The following DDIAS variants were observed in gnomAD, a reference collection of about 807,000 sequenced individuals.
DDIAS encodes DNA damage-induced apoptosis suppressor protein.
Under a neutral mutation model 15.7 loss-of-function variants are expected in DDIAS, and 14 were observed. The ratio of observed to expected loss-of-function variants is 0.89; its 90% CI spans 0.59 to 1.39. The LOEUF is 1.39. Ranked by LOEUF, DDIAS falls within the 40% of genes most tolerant of loss-of-function variation. DDIAS has a pLI of 0.00. For missense variants in DDIAS, 1,035 were observed against 1,130.9 expected, an observed-to-expected ratio of 0.92 and a Z score of 1.22; for synonymous variants, 355 against 395.9, an observed-to-expected ratio of 0.90 and a Z score of 1.23.
chr11:82,902,168 G>T (rs74791332), intron 1 of DDIAS, among the ~76,000 whole-genome samples: 1,997 of 152,258 alleles, frequency 0.013, 36 homozygotes, highest in African/African-American at 0.045. Flanking sequence ...AGAGTAGTAC[G>T]TGCTGAAAGG....
intron 1 of DDIAS, among the ~76,000 whole-genome samples, chr11:82,910,124 A>G (rs1364520054): frequency 6.6e-6 from 1 of 152,228 alleles, no homozygotes; most frequent in Non-Finnish European, 1.5e-5. Context: ...CACCCATTTC[A>G]GAATTGAAAG....
At chr11:82,911,935 C>T (rs1052219749) in intron 1 of DDIAS, among the ~76,000 whole-genome samples, 6 of 152,162 alleles carry the variant, frequency 3.9e-5, no homozygotes, top group Admixed American at 2.6e-4. Context: ...TGACCAGGTG[C>T]GTTGTCAATG....
Position 82,932,045 on chromosome 11 carries a change from C to T in DDIAS, c.707C>T (p.Ser236Leu). 6.2e-7 allele frequency: 1 copy of T among 1,613,860 alleles called. No homozygotes were observed. The highest frequency in any genetic ancestry group is 8.5e-7 in the Non-Finnish European group (1 of 1,179,960). The change falls in exon 6 of 6, where the codon TCA (serine) becomes TTA (leucine). Residue 236 changes from serine to leucine, a missense_variant. Transcript: ENST00000533655. ...FFKSCSKDTF[S>L]KFWQPSLEFT... ...AAGTCCTGCAGCAAGGATACTTTTTCAAAATTCTGGCAGCCATCACTTGAA... is the reference window on the plus strand; with the variant it reads ...AAGTCCTGCAGCAAGGATACTTTTTTAAAATTCTGGCAGCCATCACTTGAA...
chr11:82,918,509 T>C (rs569763744), intron 3 of DDIAS, among the ~76,000 whole-genome samples: 1 of 152,324 alleles, frequency 6.6e-6, no homozygotes, highest in South Asian at 2.1e-4. Flanking sequence ...AATCAGGTAA[T>C]GCGATGCCTC....
At position 82,914,781 on chromosome 11, in the gene DDIAS, C is replaced by T. The variant is rs1041908325; in HGVS notation, c.43C>T (p.Leu15Phe). 9.9e-6 allele frequency: 16 copies of T among 1,611,392 alleles called. No homozygotes were observed. The highest frequency in any genetic ancestry group is 1.4e-5 in the Non-Finnish European group (16 of 1,177,870). Residue 15 changes from leucine to phenylalanine, a missense_variant, in exon 3 of 6, where the codon CTC (leucine) becomes TTC (phenylalanine). Leu to Phe is a conservative substitution (Grantham distance 22, BLOSUM62 0). Coordinates refer to ENST00000533655, the MANE Select transcript of DDIAS (RefSeq NM_145018.4). The stretch of plus-strand genomic sequence containing the variant: ...ATTTCTTCTAGCCTCAGTACTTGCT[C>T]TCCAGAATTCAAGTTTTATATATCC... ...RKFLLASVLALQNSSFIYPSC... is the reference protein window; with the variant it reads ...RKFLLASVLAFQNSSFIYPSC...
rs564811408 is a variant in DDIAS, at chr11:82,911,658, T to A, written c.-116-1629T>A. 4.6e-4 allele frequency among the ~76,000 whole-genome samples: 70 copies of A among 152,324 alleles called. 1 individual carries two copies. The South Asian group carries it at 0.014, about 30-fold the overall frequency. On this transcript the variant is annotated intron_variant, in intron 1 of 5. Coordinates refer to ENST00000533655, the MANE Select transcript of DDIAS (RefSeq NM_145018.4). Reference sequence around the variant, plus strand: ...AGCTTCTTCCAAACTCCAATTAGTGTGGATATTTTGACTTCCTCCCATAAA... The same window carrying A: ...AGCTTCTTCCAAACTCCAATTAGTGAGGATATTTTGACTTCCTCCCATAAA...
intron 3 of DDIAS, among the ~76,000 whole-genome samples, chr11:82,915,498 C>G (rs1054241685): frequency 6.6e-6 from 1 of 152,134 alleles, no homozygotes; most frequent in African/African-American, 2.4e-5. Flanking sequence ...ATATTCTTAA[C>G]TAGTCTTTTT....
chr11:82,932,743 A>G lies in DDIAS; in HGVS notation c.1405A>G (p.Thr469Ala), dbSNP rs1172337270. 1 of 1,614,112 alleles carries G rather than the reference A, an allele frequency of 6.2e-7. No individual in the cohort carries two copies. The highest frequency in any genetic ancestry group is 8.5e-7 in the Non-Finnish European group (1 of 1,180,038). ...SRLSVTPQRT[T>A]GALHTPPIAL... ...GTTATCTGTGACTCCCCAGAGAACTACTGGAGCCCTGCATACACCACCTAT... is the reference window on the plus strand; with the variant it reads ...GTTATCTGTGACTCCCCAGAGAACTGCTGGAGCCCTGCATACACCACCTAT... Residue 469 changes from threonine to alanine, a missense_variant, in exon 6 of 6, where the codon ACT becomes GCT. Transcript: ENST00000533655.
At chr11:82,928,276 G>T (rs1295181152) in intron 3 of DDIAS, among the ~76,000 whole-genome samples, 2 of 125,474 alleles carry the variant, frequency 1.6e-5, no homozygotes, top group East Asian at 2.6e-4. Flanking sequence ...TTGGCTGACT[G>T]CAAGATCCAC....
chr11:82,923,195 C>T (rs1190689736), intron 3 of DDIAS, among the ~76,000 whole-genome samples: 2 of 152,170 alleles, frequency 1.3e-5, no homozygotes, highest in African/African-American at 2.4e-5. Context: ...ATTCATAGTG[C>T]GAGCCCCAAC....
rs913572256 is a variant in DDIAS, at chr11:82,932,824, C to T, written c.1486C>T (p.Leu496Phe). Residue 496 changes from leucine (L) to phenylalanine (F), a missense_variant, in exon 6 of 6, where the codon CTT (leucine) becomes TTT (phenylalanine). Physicochemically the swap from Leu to Phe is conservative, Grantham distance 22 (BLOSUM62 0). Coordinates refer to ENST00000533655, the MANE Select transcript of DDIAS (RefSeq NM_145018.4). ...VKANCSKDDF[L>F]FNCKGNLSPS... ...AGCAAACTGTAGCAAAGATGACTTCCTTTTCAACTGTAAAGGAAATCTAAG... is the reference window on the plus strand; with the variant it reads ...AGCAAACTGTAGCAAAGATGACTTCTTTTTCAACTGTAAAGGAAATCTAAG... The T allele has an allele frequency of 6.2e-7, 1 of 1,613,404 alleles. No homozygotes were observed. The highest frequency in any genetic ancestry group is 8.5e-7 in the Non-Finnish European group (1 of 1,180,006).
rs764619300 is a variant in DDIAS, at chr11:82,932,345, ACT to A, written c.1010_1011del (p.Ser337Ter). 2 of 1,613,688 alleles carry A rather than the reference ACT, an allele frequency of 1.2e-6. No homozygotes were observed. Among genetic ancestry groups the A allele is most frequent in the Admixed American group, 1.7e-5 (1 of 59,978 alleles). ...AGTCATCATGAAATTGGAGTTAATG[ACT>A]CTAATTTATTCTCTTTGGAAATGCG... On this transcript the variant is annotated frameshift_variant, in exon 6 of 6. Coordinates refer to ENST00000533655, the MANE Select transcript of DDIAS (RefSeq NM_145018.4). LOFTEE classifies it low-confidence loss of function (END_TRUNC).
At chr11:82,918,381 T>A (rs1269609597) in intron 3 of DDIAS, among the ~76,000 whole-genome samples, 2 of 152,216 alleles carry the variant, frequency 1.3e-5, no homozygotes, top group African/African-American at 4.8e-5. Flanking sequence ...AAAGATCAGT[T>A]GGCTGTAAGT....
In DDIAS at chr11:82,911,941, C is replaced by T. The variant is rs112023008; in HGVS notation, c.-116-1346C>T. Among the ~76,000 whole-genome samples, 1,014 of 152,292 alleles carry T rather than the reference C, an allele frequency of 6.7e-3. 8 individuals are homozygous for T. The highest frequency in any genetic ancestry group is 0.022 in the African/African-American group (929 of 41,562). On this transcript the variant is annotated intron_variant, in intron 1 of 5. Transcript: ENST00000533655. ...GCTCTTGGGTGACCAGGTGCGTTGT[C>T]AATGAGCATTAATATGTTGAAAGGA...
chr11:82,914,638 AGAGGTT>A (rs1392767810), intron 2 of DDIAS, 79 bp from the exon 3 acceptor site: 4 of 619,098 alleles, frequency 6.5e-6, no homozygotes, highest in Non-Finnish European at 1.1e-5. Context: ...GCTTTGCAGT[AGAGGTT>A]AAGTGGTTTT....
At chr11:82,906,578 A>G (rs749535743) in intron 1 of DDIAS, among the ~76,000 whole-genome samples, 5 of 152,142 alleles carry the variant, frequency 3.3e-5, no homozygotes, top group Non-Finnish European at 4.4e-5. Flanking sequence ...TCATGTTACA[A>G]GTTTATTACA....
intron 3 of DDIAS, among the ~76,000 whole-genome samples, chr11:82,927,950 C>A (rs1433155839): frequency 6.6e-6 from 1 of 152,064 alleles, no homozygotes; most frequent in African/African-American, 2.4e-5. Context: ...AGTTACACTG[C>A]CATGTAGATG....
In DDIAS at chr11:82,932,649, G is replaced by A; in HGVS notation, c.1311G>A (p.Gln437=). Reference sequence around the variant, plus strand: ...TTGAAAGTGAGATTGCTGTAACCCAGGCAGATGTCAGTAGTAGGAAACATC... The same window carrying A: ...TTGAAAGTGAGATTGCTGTAACCCAAGCAGATGTCAGTAGTAGGAAACATC... ...AVLESEIAVT[Q]ADVSSRKHHV... The change falls in exon 6 of 6, where the codon CAG becomes CAA. Residue 437 remains glutamine, a synonymous_variant. Transcript: ENST00000533655. 2 of 1,614,060 alleles carry A rather than the reference G, an allele frequency of 1.2e-6. No individual in the cohort carries two copies. The highest frequency in any genetic ancestry group is 1.7e-6 in the Non-Finnish European group (2 of 1,180,032).
chr11:82,909,499 T>C (rs984647985), intron 1 of DDIAS, among the ~76,000 whole-genome samples: 1 of 152,204 alleles, frequency 6.6e-6, no homozygotes, highest in Non-Finnish European at 1.5e-5. Context: ...CTAGACAAGA[T>C]GGAGTTGCTT....
Sources: allele counts gnomAD v4.1 joint callset (sites outside exome capture counted in the v4.1 genomes callset), GRCh38; gene constraint gnomAD v4.1.1; transcripts MANE v1.5; gene names NCBI Gene and HGNC (gene_info 2026-07-23, HGNC 2026-07-21).